Variants in RTTN observed in about 807,000 individuals in gnomAD.
RTTN encodes the protein rotatin.
A neutral mutation model predicts 269.2 loss-of-function variants in RTTN; 182 were observed. The observed-to-expected ratio is 0.68, with a 90% CI of 0.60 to 0.76. The LOEUF (loss-of-function observed/expected upper bound fraction) is 0.76. Ranked by LOEUF, RTTN falls within the 30% of genes least tolerant of loss-of-function variation. The probability of loss-of-function intolerance (pLI) is 0.00; values close to 1 mark genes in which losing one functional copy is unlikely to be tolerated. For missense variants in RTTN, 2,545 were observed against 2,608.6 expected (o/e 0.98, Z 0.53); for synonymous variants, 1,006 against 963.5 (o/e 1.04, Z -0.82).
intron 10 of RTTN, among the ~76,000 whole-genome samples, chr18:70,184,881 C>T (rs1291478566): frequency 6.7e-6 from 1 of 148,636 alleles, no homozygotes; most frequent in African/African-American, 2.5e-5. Context: ...GGCAACAGAG[C>T]GAGGACTACA....
At chr18:70,149,708 TCA>T (rs2060488321) in intron 16 of RTTN, among the ~76,000 whole-genome samples, 1 of 152,150 alleles carries the variant, frequency 6.6e-6, no homozygotes, top group South Asian at 2.1e-4. Context: ...GTTCTATTTT[TCA>T]CAGTCAATGC....
intron 35 of RTTN, among the ~76,000 whole-genome samples, chr18:70,062,497 G>A (rs964210884): frequency 2.0e-5 from 3 of 151,622 alleles, no homozygotes; most frequent in African/African-American, 7.3e-5. Flanking sequence ...TGCAAAAGTA[G>A]AAAACTGTAA....
chr18:70,054,520 T>C (rs1301323713), intron 37 of RTTN, among the ~76,000 whole-genome samples: 2 of 152,180 alleles, frequency 1.3e-5, no homozygotes, highest in African/African-American at 4.8e-5. Flanking sequence ...AAGTCAAGTT[T>C]TGAATTCCAT....
chr18:70,141,892 A>T (rs1054443647), intron 19 of RTTN, among the ~76,000 whole-genome samples: 1 of 152,242 alleles, frequency 6.6e-6, no homozygotes, highest in South Asian at 2.1e-4. Flanking sequence ...GATTGAAAAT[A>T]TGATGCATGC....
At chr18:70,014,980 GATT>G (rs1242403982) in intron 46 of RTTN, among the ~76,000 whole-genome samples, 1 of 152,078 alleles carries the variant, frequency 6.6e-6, no homozygotes, top group Non-Finnish European at 1.5e-5. Context: ...CAGTTTTTGT[GATT>G]ATTTTGAGGT....
chr18:70,006,576 A>G (rs1394989707), intron 46 of RTTN, 92 bp from the exon 47 acceptor site: 1 of 895,362 alleles, frequency 1.1e-6, no homozygotes, highest in Non-Finnish European at 1.8e-6. Context: ...CTCTTTTCCC[A>G]TTAGAATGCA....
At chr18:70,084,116 G>T (rs1204350890) in intron 32 of RTTN, among the ~76,000 whole-genome samples, 1 of 151,962 alleles carries the variant, frequency 6.6e-6, no homozygotes, top group Non-Finnish European at 1.5e-5. Flanking sequence ...AAAAGGAGTA[G>T]TAATTATAAA....
chr18:70,175,045 CAA>C (rs5825998), intron 11 of RTTN, among the ~76,000 whole-genome samples: 1 of 86,854 alleles, frequency 1.2e-5, no homozygotes, highest in Admixed American at 1.5e-4. Flanking sequence ...AAACCAAAAC[CAA>C]AAAAAAAAAA....
intron 21 of RTTN, 21 bp from the exon 22 acceptor site, chr18:70,135,301 C>A: frequency 7.5e-7 from 1 of 1,332,186 alleles, no homozygotes; most frequent in Non-Finnish European, 1.0e-6. Context: ...AGAAGCACAA[C>A]TTTATGAAAT....
At chr18:70,019,483 T>G (rs955471639) in intron 45 of RTTN, 1 of 152,112 alleles carries the variant, frequency 6.6e-6, no homozygotes, top group Admixed American at 6.5e-5. Flanking sequence ...ATGAAGAAAA[T>G]ATATTCAAAT....
At position 70,201,607 on chromosome 18, in the gene RTTN, C is replaced by CAAAAAAAA. The variant is rs34966295; in HGVS notation, c.487+279_487+286dup. Among the ~76,000 whole-genome samples, 3 of 41,006 alleles carry CAAAAAAAA rather than the reference C, an allele frequency of 7.3e-5. 1 individual carries two copies. Among genetic ancestry groups the CAAAAAAAA allele is most frequent in the Non-Finnish European group, 1.1e-4 (3 of 26,836 alleles). The allele number at this position is 41,006 out of a possible 152,430, so 26.9% of individuals were successfully genotyped here. ...TGGGCGACAGAGCGAGACTCCATCTCAAAAAAAAAAAAAAAAAAAAAAAAA... is the reference window on the plus strand; with the variant it reads ...TGGGCGACAGAGCGAGACTCCATCTCAAAAAAAAAAAAAAAAAAAAAAAAAAAAAAAAA... On this transcript the variant is annotated intron_variant, in intron 4 of 48. Transcript: ENST00000640769.
At chr18:70,065,993 C>T in intron 34 of RTTN, 71 bp from the exon 35 acceptor site, 1 of 1,053,892 alleles carries the variant, frequency 9.5e-7, no homozygotes, top group Non-Finnish European at 1.4e-6. Flanking sequence ...AACATACACA[C>T]AAGATATCCT....
At chr18:70,124,829 C>T (rs2059823211) in intron 25 of RTTN, among the ~76,000 whole-genome samples, 1 of 151,946 alleles carries the variant, frequency 6.6e-6, no homozygotes, top group South Asian at 2.1e-4. Flanking sequence ...AGCAGAAAAA[C>T]CAATTCGCTA....
intron 34 of RTTN, among the ~76,000 whole-genome samples, chr18:70,071,561 T>C (rs1012195257): frequency 2.0e-5 from 3 of 152,114 alleles, no homozygotes; most frequent in Non-Finnish European, 2.9e-5. Flanking sequence ...TGCATCCTCC[T>C]ACCCCAGAGG....
chr18:70,180,180 A>C (rs2061391493), intron 10 of RTTN, among the ~76,000 whole-genome samples: 1 of 152,074 alleles, frequency 6.6e-6, no homozygotes, highest in Admixed American at 6.6e-5. Context: ...TTTAAAACTC[A>C]GTTCATTCAG....
intron 38 of RTTN, 140 bp downstream of exon 38, chr18:70,053,991 A>G: frequency 1.5e-6 from 1 of 684,104 alleles, no homozygotes; most frequent in South Asian, 2.1e-5. Flanking sequence ...TCCAAACTAT[A>G]AAACACATTA....
intron 28 of RTTN, among the ~76,000 whole-genome samples, chr18:70,104,107 C>T (rs140672050): frequency 0.029 from 4,402 of 152,252 alleles, 98 homozygotes; most frequent in African/African-American, 0.059. Flanking sequence ...CCATTCTCCC[C>T]GTCACTTTCA....
chr18:70,030,406 C>T (rs1397467344), intron 41 of RTTN, among the ~76,000 whole-genome samples: 2 of 151,934 alleles, frequency 1.3e-5, no homozygotes, highest in Non-Finnish European at 2.9e-5. Context: ...CTTGATGTTG[C>T]CATTATTCTC....
Position 70,193,467 on chromosome 18 carries a change from G to T in RTTN, c.842-14C>A. The T allele has an allele frequency of 6.8e-7, 1 of 1,474,560 alleles. No homozygotes were observed. Among genetic ancestry groups the T allele is most frequent in the Non-Finnish European group, 9.0e-7 (1 of 1,108,814 alleles). 91.3% of individuals were successfully genotyped at this position (1,474,560 alleles called of 1,614,324 possible). ...GGGAAACTGTGTCTGGGGAAACAAAGAAAAAATAAAATTATTCTTTAGTAG... is the reference window on the plus strand; with the variant it reads ...GGGAAACTGTGTCTGGGGAAACAAATAAAAAATAAAATTATTCTTTAGTAG... On this transcript the variant is annotated splice_polypyrimidine_tract_variant and intron_variant, in intron 7 of 48. Transcript: ENST00000640769.
Sources: gnomAD v4.1 joint callset for allele counts (sites outside exome capture counted in the v4.1 genomes callset) on GRCh38, gnomAD v4.1.1 for gene constraint, MANE v1.5 for transcripts, NCBI Gene and HGNC (gene_info 2026-07-23, HGNC 2026-07-21) for gene names.